RNF38: variants seen among roughly 807,000 people sequenced by gnomAD.
RNF38 encodes the protein ring finger protein 38, also known as E3 ubiquitin-protein ligase RNF38.
In RNF38, 15 loss-of-function variants were observed where a neutral mutation model predicts 67.2. That is an observed-to-expected ratio of 0.22 (90% CI 0.15 to 0.34). RNF38 has a LOEUF of 0.34. Among genes scored for constraint, RNF38 ranks in the 10% least tolerant of loss-of-function variants. The pLI, the probability that RNF38 is intolerant of heterozygous loss-of-function variation, is 1.00. For synonymous variants in RNF38, 220 were observed against 218.8 expected, an observed-to-expected ratio of 1.01 and a Z score of -0.05; for missense variants, 524 against 639.9, an observed-to-expected ratio of 0.82 and a Z score of 1.95.
chr9:36,455,392 T>C lies in RNF38; in HGVS notation n.242-30709A>G, dbSNP rs529273948. ...AATGAAATATTGTACTTTATCTCAGTTGAGAAAGTTTTGTTTCTTTAATAG... is the reference window on the plus strand; with the variant it reads ...AATGAAATATTGTACTTTATCTCAGCTGAGAAAGTTTTGTTTCTTTAATAG... On this transcript the variant is annotated intron_variant and non_coding_transcript_variant, in intron 1 of 3. Transcript: ENST00000488058. Among the ~76,000 whole-genome samples, 10 of 152,238 alleles carry C rather than the reference T, an allele frequency of 6.6e-5. No homozygotes were observed. The South Asian group carries it at 1.9e-3, about 28-fold the overall frequency.
Position 36,360,125 on chromosome 9 carries a change from T to C in RNF38, c.571-2183A>G, listed in dbSNP as rs573054522. 3.3e-5 allele frequency among the ~76,000 whole-genome samples: 5 copies of C among 151,382 alleles called. No homozygotes were observed. In the East Asian group the frequency reaches 9.7e-4, roughly 29 times the overall value. On this transcript the variant is annotated intron_variant, in intron 4 of 11. Coordinates refer to ENST00000259605, the MANE Select transcript of RNF38 (RefSeq NM_022781.5). ...TTCTGTCTTTCAAGAAGAAATTAAG[T>C]CTTCCTTCAACCCCATAAGACAGGA...
chr9:36,383,419 T>C (rs181686168), intron 2 of RNF38, among the ~76,000 whole-genome samples: 2 of 152,282 alleles, frequency 1.3e-5, no homozygotes, highest in African/African-American at 4.8e-5. Flanking sequence ...CTTTATTTCT[T>C]GACCTCATGA....
Position 36,342,282 on chromosome 9 carries a change from AG to A in RNF38, c.1485+42del, listed in dbSNP as rs1563991833. ...TACTCTAATCCATGGTCAATAAAAT[AG>A]AAAATTCAATGTCATTTCCTTTAAA... On this transcript the variant is annotated intron_variant, in intron 11 of 11. Coordinates refer to ENST00000259605, the MANE Select transcript of RNF38 (RefSeq NM_022781.5). The A allele has an allele frequency of 3.7e-6, 5 of 1,368,264 alleles. No homozygotes were observed. In the Admixed American group the frequency reaches 5.0e-5, roughly 14 times the overall value. The allele number at this position is 1,368,264 out of a possible 1,614,324, so 84.8% of individuals were successfully genotyped here. A position where few individuals can be genotyped will look rare whatever the true frequency, so the allele number is the denominator to read the frequency against.
At chr9:36,470,519 C>CACAACTACCATTAAACTGCCATGGAA (rs1839972353) in intron 1 of RNF38, among the ~76,000 whole-genome samples, 1 of 152,146 alleles carries the variant, frequency 6.6e-6, no homozygotes, top group African/African-American at 2.4e-5. Context: ...ACAGAAAGCA[C>CACAACTACCATTAAACTGCCATGGAA]ACAACTACCA....
chr9:36,395,094 TA>T (rs1195071619), intron 1 of RNF38, among the ~76,000 whole-genome samples: 10 of 152,198 alleles, frequency 6.6e-5, no homozygotes, highest in African/African-American at 2.4e-4. Flanking sequence ...TTCACAAAAC[TA>T]AAGTTTACAG....
intron 3 of RNF38, among the ~76,000 whole-genome samples, chr9:36,373,348 A>G (rs1835533262): frequency 6.6e-6 from 1 of 152,228 alleles, no homozygotes; most frequent in Admixed American, 6.5e-5. Context: ...TTAAAAACAG[A>G]ATGCTTAATA....
At chr9:36,362,470 CAAA>C (rs57951615) in intron 4 of RNF38, among the ~76,000 whole-genome samples, 21 of 135,220 alleles carry the variant, frequency 1.6e-4, no homozygotes, top group Admixed American at 2.2e-4. Flanking sequence ...ATCAAGACTA[CAAA>C]AAAAAAAAAA....
rs1461131753 is a variant in RNF38 at position 36,369,775 on chromosome 9, G to A, written c.514C>T (p.His172Tyr). Residue 172 changes from histidine (H) to tyrosine (Y), a missense_variant, in exon 4 of 12, where the codon CAT (histidine) becomes TAT (tyrosine). Transcript: ENST00000259605. ...TGCTGGGGTGGATGAGCAGCAGGAT[G>A]TAGCAGACGGGGAGATACATTCGGA... ...HPPNVSPRLL[H>Y]PAAHPPQQNA... 1 of 1,613,976 alleles carries A rather than the reference G, an allele frequency of 6.2e-7. No homozygotes were observed. Among genetic ancestry groups the A allele is most frequent in the African/African-American group, 1.3e-5 (1 of 74,918 alleles).
chr9:36,344,986 A>T (rs369734585), intron 9 of RNF38, 33 bp from the exon 10 acceptor site: 1 of 1,587,320 alleles, frequency 6.3e-7, no homozygotes, highest in Admixed American at 1.8e-5. Flanking sequence ...ATTTTCATCT[A>T]TCTTTACATT....
intron 1 of RNF38, among the ~76,000 whole-genome samples, chr9:36,433,656 C>T (rs1039318671): frequency 2.8e-5 from 4 of 143,670 alleles, no homozygotes; most frequent in African/African-American, 1.0e-4. Flanking sequence ...CACTACACTC[C>T]AGCTTGGGAA....
rs1833355292 is a variant in RNF38 at position 36,347,517 on chromosome 9, AT to A, written c.1264-2565del. Among the ~76,000 whole-genome samples the A allele has an allele frequency of 2.6e-5, 4 of 152,182 alleles. No homozygotes were observed. In the South Asian group the frequency reaches 8.3e-4, roughly 31 times the overall value. On this transcript the variant is annotated intron_variant, in intron 9 of 11. Coordinates refer to ENST00000259605, the MANE Select transcript of RNF38 (RefSeq NM_022781.5). The stretch of plus-strand genomic sequence containing the variant: ...TTCAAACTTTTTCATATCTGCTATA[AT>A]GATCTCTGATCTTTGACGTTACTAT...
chr9:36,365,812 C>T lies in RNF38; in HGVS notation c.570+3907G>A, dbSNP rs558456624. Among the ~76,000 whole-genome samples, 12 of 151,452 alleles carry T rather than the reference C, an allele frequency of 7.9e-5. No homozygotes were observed. The South Asian group carries it at 1.0e-3, about 13-fold the overall frequency. On this transcript the variant is annotated intron_variant, in intron 4 of 11. Transcript: ENST00000259605. ...TCTCGAACAGCTGGGACTACAGGTG[C>T]GCGCCACCATGCCCAGCTAATTTTT...
At chr9:36,432,254 C>T (rs1838948391) in intron 1 of RNF38, among the ~76,000 whole-genome samples, 1 of 151,986 alleles carries the variant, frequency 6.6e-6, no homozygotes, top group African/African-American at 2.4e-5. Context: ...CCTGCCTCAG[C>T]CTCCCAAGTA....
At chr9:36,340,952 CTT>C (rs1364980492) in intron 11 of RNF38, among the ~76,000 whole-genome samples, 1 of 151,990 alleles carries the variant, frequency 6.6e-6, no homozygotes, top group Non-Finnish European at 1.5e-5. Context: ...ATCAGTCCCT[CTT>C]TTCATCTAGT....
intron 10 of RNF38, among the ~76,000 whole-genome samples, chr9:36,344,603 A>C (rs1252658188): frequency 6.6e-6 from 1 of 152,224 alleles, no homozygotes; most frequent in East Asian, 1.9e-4. Context: ...AGTACGACTA[A>C]GACATTTAAT....
At chr9:36,353,547 T>C (rs1209537169) in intron 6 of RNF38, among the ~76,000 whole-genome samples, 4 of 152,160 alleles carry the variant, frequency 2.6e-5, no homozygotes, top group Non-Finnish European at 5.9e-5. Flanking sequence ...GTTTAAAACA[T>C]GTTATCAAAC....
chr9:36,446,657 A>C (rs1459911714), intron 1 of RNF38, among the ~76,000 whole-genome samples: 1 of 150,852 alleles, frequency 6.6e-6, no homozygotes, highest in Non-Finnish European at 1.5e-5. Context: ...AAACACAGAA[A>C]GTTAGCCAGG....
intron 4 of RNF38, among the ~76,000 whole-genome samples, chr9:36,366,634 T>G (rs1409026152): frequency 1.3e-5 from 2 of 152,230 alleles, no homozygotes; most frequent in Non-Finnish European, 2.9e-5. Flanking sequence ...ATTCTTAAAC[T>G]TTTTTCTTCT....
rs762976779 is a variant in RNF38, at chr9:36,390,607, C to G, written c.22G>C (p.Gly8Arg). The G allele has an allele frequency of 1.2e-6, 2 of 1,613,882 alleles. No individual in the cohort carries two copies. The highest frequency in any genetic ancestry group is 1.7e-6 in the Non-Finnish European group (2 of 1,179,914). MACKISP[G>R]ANSASLPGHP... ...CCAGGTAGAGATGCTGAATTGGCCC[C>G]GGGAGATATCTGGGAAAAAGAGGAA... Residue 8 changes from glycine to arginine, a missense_variant, in exon 2 of 12, where the codon GGG becomes CGG. By Grantham distance (125) the Gly-to-Arg change is moderately radical. This residue lies in a region of RNF38 where 461 missense variants were observed against 517.4 expected (regional missense o/e 0.89). Coordinates refer to ENST00000259605, the MANE Select transcript of RNF38 (RefSeq NM_022781.5).
Sources: allele counts gnomAD v4.1 joint callset (sites outside exome capture counted in the v4.1 genomes callset), GRCh38; gene constraint gnomAD v4.1.1; regional missense constraint gnomAD v4.1.1; transcripts MANE v1.5; gene names NCBI Gene and HGNC (gene_info 2026-07-23, HGNC 2026-07-21).